Variants in NCKAP5 observed in about 807,000 individuals in gnomAD.
The protein encoded by NCKAP5 is NCK associated protein 5, also known as nck-associated protein 5.
NCKAP5 carries 92 observed loss-of-function variants against 167.0 expected under a neutral mutation model. The ratio of observed to expected loss-of-function variants is 0.55; its 90% CI spans 0.47 to 0.66. NCKAP5 has a LOEUF of 0.66. Among genes scored for constraint, NCKAP5 ranks in the 30% least tolerant of loss-of-function variants. The probability of loss-of-function intolerance (pLI) is 0.00; values close to 1 mark genes in which losing one functional copy is unlikely to be tolerated. For synonymous variants in NCKAP5, 891 were observed against 877.4 expected, an observed-to-expected ratio of 1.02 and a Z score of -0.27; for missense variants, 2,378 against 2,315.0, an observed-to-expected ratio of 1.03 and a Z score of -0.56.
At chr2:133,640,744 T>C in the NCKAP5 span, among the ~76,000 whole-genome samples, 71 of 152,324 alleles carry the variant, frequency 4.7e-4, no homozygotes, top group African/African-American at 1.7e-3. Flanking sequence ...TGTGAATGAA[T>C]GAATAAATAG....
At chr2:133,276,015 CT>C (rs1482253870) in intron 4 of NCKAP5, among the ~76,000 whole-genome samples, 2 of 151,870 alleles carry the variant, frequency 1.3e-5, no homozygotes, top group Non-Finnish European at 2.9e-5. Flanking sequence ...TCTATCACCC[CT>C]GAGAGAGCAA....
intron 16 of NCKAP5, among the ~76,000 whole-genome samples, chr2:132,768,315 G>C (rs1433745592): frequency 6.6e-6 from 1 of 152,056 alleles, no homozygotes; most frequent in African/African-American, 2.4e-5. Context: ...TTCCTTGTAG[G>C]GAATTAATTT....
intron 6 of NCKAP5, among the ~76,000 whole-genome samples, chr2:133,097,870 C>A (rs1409056295): frequency 1.3e-5 from 2 of 152,096 alleles, no homozygotes; most frequent in Non-Finnish European, 2.9e-5. Context: ...GTTTGGGATT[C>A]CTGATGAGTA....
rs185166141 is a variant in NCKAP5 at position 132,682,748 on chromosome 2, A to G, written c.5714-9443T>C. On this transcript the variant is annotated intron_variant, in intron 19 of 19. Transcript: ENST00000409261. ...CTAAAGCTTCTTTTGATCTTCTTCC[A>G]TTTTCAGTCTGTAACATCATTTAGG... Among the ~76,000 whole-genome samples, 5 of 152,152 alleles carry G rather than the reference A, an allele frequency of 3.3e-5. 1 individual carries two copies. The highest frequency in any genetic ancestry group is 2.0e-4 in the Admixed American group (3 of 15,278).
chr2:133,495,978 T>A (rs1049224394), intron 3 of NCKAP5, among the ~76,000 whole-genome samples: 8 of 152,196 alleles, frequency 5.3e-5, no homozygotes, highest in African/African-American at 1.9e-4. Context: ...GCACAAAATC[T>A]GACAGTATTC....
chr2:132,835,743 T>C (rs1687845975), intron 11 of NCKAP5, among the ~76,000 whole-genome samples: 1 of 152,132 alleles, frequency 6.6e-6, no homozygotes, highest in African/African-American at 2.4e-5. Context: ...TAATTTTATG[T>C]CAATTAATTT....
At chr2:132,732,136 G>A in intron 16 of NCKAP5, 85 bp from the exon 17 acceptor site, 1 of 1,272,364 alleles carries the variant, frequency 7.9e-7, no homozygotes, top group Non-Finnish European at 1.1e-6. Flanking sequence ...GGTATGATCT[G>A]GAGGAAAGGA....
intron 3 of NCKAP5, among the ~76,000 whole-genome samples, chr2:133,363,527 C>T (rs531022571): frequency 2.1e-4 from 32 of 152,272 alleles, no homozygotes; most frequent in African/African-American, 7.5e-4. Context: ...TCATCATCGA[C>T]ATTAATCTAC....
chr2:133,034,598 CA>C (rs1401061488), intron 6 of NCKAP5, among the ~76,000 whole-genome samples: 1 of 151,636 alleles, frequency 6.6e-6, no homozygotes, highest in Non-Finnish European at 1.5e-5. Context: ...TAAATAGAAA[CA>C]AAAAAATTAA....
chr2:133,571,212 A>G (rs1033244903), upstream of NCKAP5, among the ~76,000 whole-genome samples: 1 of 151,350 alleles, frequency 6.6e-6, no homozygotes, highest in East Asian at 1.9e-4. Context: ...TATTTTTTTT[A>G]TGGCCCACAT....
intron 18 of NCKAP5, 142 bp downstream of exon 18, chr2:132,728,674 C>T: frequency 9.1e-7 from 1 of 1,094,752 alleles, no homozygotes; most frequent in Admixed American, 2.2e-5. Context: ...AAAGGGTGAA[C>T]CCTAGACCTT....
intron 2 of NCKAP5, among the ~76,000 whole-genome samples, chr2:133,523,090 T>C (rs1190910024): frequency 6.8e-6 from 1 of 147,742 alleles, no homozygotes; most frequent in Non-Finnish European, 1.5e-5. Flanking sequence ...GAAATCTAAG[T>C]TGGCCTTAAT....
At position 132,808,290 on chromosome 2, in the gene NCKAP5, G is replaced by A. The variant is rs140425382; in HGVS notation, c.808-11561C>T. ...GGCTTCATATAATGAATTAGGGAAGGTTCCTTCTTTCTGTTTCTTGTGGAA... is the reference window on the plus strand; with the variant it reads ...GGCTTCATATAATGAATTAGGGAAGATTCCTTCTTTCTGTTTCTTGTGGAA... On this transcript the variant is annotated intron_variant, in intron 11 of 19. Coordinates refer to ENST00000409261, the MANE Select transcript of NCKAP5 (RefSeq NM_207363.3). 2.2e-4 allele frequency among the ~76,000 whole-genome samples: 33 copies of A among 152,114 alleles called. No individual in the cohort carries two copies. The East Asian group carries it at 5.8e-3, about 27-fold the overall frequency.
At position 132,785,686 on chromosome 2, in the gene NCKAP5, A is replaced by G; in HGVS notation, c.1125T>C (p.Ser375=). The G allele has an allele frequency of 6.7e-7, 1 of 1,503,342 alleles. No homozygotes were observed. The highest frequency in any genetic ancestry group is 8.9e-7 in the Non-Finnish European group (1 of 1,127,758). 93.1% of individuals were successfully genotyped at this position (1,503,342 alleles called of 1,614,324 possible). ...QSSQNWDKRL[S]IDSSLPSGFA... The stretch of plus-strand genomic sequence containing the variant: ...AGCCACTTGGGAGCGAAGAATCAAT[A>G]CTTAGCCTTTTATCCCAGTTTTGTG... The change falls in exon 14 of 20, where the codon AGT becomes AGC. Residue 375 remains serine, a synonymous_variant. Coordinates refer to ENST00000409261, the MANE Select transcript of NCKAP5 (RefSeq NM_207363.3).
chr2:133,557,459 T>C (rs1201365366), intron 2 of NCKAP5, among the ~76,000 whole-genome samples: 2 of 152,132 alleles, frequency 1.3e-5, no homozygotes, highest in African/African-American at 2.4e-5. Flanking sequence ...CCTGCCCAGG[T>C]TTTCTATGTA....
At position 133,465,202 on chromosome 2, in the gene NCKAP5, C is replaced by G. The variant is rs1215161216; in HGVS notation, c.69+52256G>C. 2.3e-5 allele frequency among the ~76,000 whole-genome samples: 3 copies of G among 133,292 alleles called. No individual in the cohort carries two copies. The Admixed American group carries it at 2.6e-4, about 12-fold the overall frequency. 87.4% of individuals were successfully genotyped at this position (133,292 alleles called of 152,430 possible). On this transcript the variant is annotated intron_variant, in intron 3 of 19. Transcript: ENST00000409261. ...GTCCCCAGAGTGTGATATTCCCCTT[C>G]CTGTGTCCATGTGATCTCATTGTTC... is the stretch of plus-strand genomic sequence containing the variant.
At chr2:133,604,066 G>C in the NCKAP5 span, among the ~76,000 whole-genome samples, 1 of 152,210 alleles carries the variant, frequency 6.6e-6, no homozygotes, top group Non-Finnish European at 1.5e-5. Flanking sequence ...GCCTGAGAAT[G>C]CTTTCTGGGG....
In NCKAP5 at chr2:132,794,304, AGAGG is replaced by A. The variant is rs1431532391; in HGVS notation, c.909+2320_909+2323del. 2.4e-3 allele frequency among the ~76,000 whole-genome samples: 267 copies of A among 113,582 alleles called. 1 individual carries two copies. Among genetic ancestry groups the A allele is most frequent in the East Asian group, 0.014 (54 of 3,878 alleles). The allele number at this position is 113,582 out of a possible 152,430, so 74.5% of individuals were successfully genotyped here. A position where few individuals can be genotyped will look rare whatever the true frequency, so the allele number is the denominator to read the frequency against. Reference sequence around the variant, plus strand: ...GAGAGAGAGAGAGAGAGAGAGAGAGAGAGGGTGGCGGGAAGAGAGAGAGAAAGAG... The same window carrying A: ...GAGAGAGAGAGAGAGAGAGAGAGAGAGTGGCGGGAAGAGAGAGAGAAAGAG... On this transcript the variant is annotated intron_variant, in intron 12 of 19. Transcript: ENST00000409261.
intron 8 of NCKAP5, among the ~76,000 whole-genome samples, chr2:132,925,515 T>C (rs1337430815): frequency 4.0e-5 from 6 of 149,062 alleles, no homozygotes; most frequent in African/African-American, 1.5e-4. Context: ...TAATCCAAGA[T>C]TGTGCCACTG....
Sources: allele counts gnomAD v4.1 joint callset (sites outside exome capture counted in the v4.1 genomes callset), GRCh38; gene constraint gnomAD v4.1.1; transcripts MANE v1.5; gene names NCBI Gene and HGNC (gene_info 2026-07-23, HGNC 2026-07-21).